Variants in ERBB4 observed in about 807,000 individuals in gnomAD.
ERBB4 encodes erb-b2 receptor tyrosine kinase 4.
ERBB4 carries 42 observed loss-of-function variants against 158.0 expected under a neutral mutation model. The ratio of observed to expected loss-of-function variants is 0.27; its 90% CI spans 0.21 to 0.34. The LOEUF (loss-of-function observed/expected upper bound fraction) is 0.34. ERBB4 is among the 10% of genes least tolerant of loss of function. The pLI, the probability that ERBB4 is intolerant of heterozygous loss-of-function variation, is 1.00. For missense variants in ERBB4, 1,333 were observed against 1,624.1 expected, an observed-to-expected ratio of 0.82 and a Z score of 3.08; for synonymous variants, 583 against 558.7, an observed-to-expected ratio of 1.04 and a Z score of -0.61.
chr2:211,685,952 T>C (rs1008128441), intron 12 of ERBB4, among the ~76,000 whole-genome samples: 5 of 152,204 alleles, frequency 3.3e-5, no homozygotes, highest in Non-Finnish European at 5.9e-5. Context: ...AATTAAACTT[T>C]GTAAGTTTTA....
chr2:212,449,108 C>T (rs2092408046), intron 1 of ERBB4, among the ~76,000 whole-genome samples: 1 of 152,048 alleles, frequency 6.6e-6, no homozygotes, highest in Non-Finnish European at 1.5e-5. Context: ...TTTCCTAACT[C>T]ATTAAAATAT....
At chr2:211,942,324 G>A (rs1218607459) in intron 3 of ERBB4, among the ~76,000 whole-genome samples, 2 of 149,120 alleles carry the variant, frequency 1.3e-5, no homozygotes, top group East Asian at 3.9e-4. Flanking sequence ...GTTTCTGGAT[G>A]AAGCATTTTA....
At chr2:211,412,461 C>T (rs1244491268) in intron 25 of ERBB4, among the ~76,000 whole-genome samples, 1 of 152,138 alleles carries the variant, frequency 6.6e-6, no homozygotes, top group Non-Finnish European at 1.5e-5. Flanking sequence ...TTTATAACCT[C>T]TTAAACTGAT....
intron 1 of ERBB4, among the ~76,000 whole-genome samples, chr2:212,240,926 T>C (rs7607086): frequency 0.053 from 8,068 of 152,184 alleles, 229 homozygotes; most frequent in Middle Eastern, 0.082. Context: ...ACCATGGACA[T>C]AGTAATGGAT....
In ERBB4 at chr2:212,219,896, G is replaced by A. The variant is rs1365204201; in HGVS notation, c.83-94993C>T. On this transcript the variant is annotated intron_variant, in intron 1 of 27. Transcript: ENST00000342788. ...TGACAGTTTTATAACTTCAAAAATA[G>A]GCTTTAATTTTTATAGAACATTTAA... Among the ~76,000 whole-genome samples the A allele has an allele frequency of 3.3e-5, 5 of 150,280 alleles. No homozygotes were observed. The Admixed American group carries it at 3.3e-4, about 10-fold the overall frequency.
chr2:211,376,439 TTG>T lies in ERBB4; in HGVS notation c.*7174_*7175del, dbSNP rs2062474887. On this transcript the variant is annotated 3_prime_UTR_variant, in exon 28 of 28. Coordinates refer to ENST00000342788, the MANE Select transcript of ERBB4 (RefSeq NM_005235.3). Reference sequence around the variant, plus strand: ...ATTTTCAAACATACAGTAGTATTTTTTGTTTGTTTATTTCAAAAAGGCAGCTA... The same window carrying T: ...ATTTTCAAACATACAGTAGTATTTTTTTTGTTTATTTCAAAAAGGCAGCTA... The T allele has an allele frequency of 4.3e-6, 1 of 232,740 alleles. No individual in the cohort carries two copies. Among genetic ancestry groups the T allele is most frequent in the Non-Finnish European group, 8.5e-6 (1 of 117,560 alleles). The allele number at this position is 232,740 out of a possible 1,614,324, so 14.4% of individuals were successfully genotyped here. A position where few individuals can be genotyped will look rare whatever the true frequency, so the allele number is the denominator to read the frequency against.
intron 1 of ERBB4, among the ~76,000 whole-genome samples, chr2:212,392,131 A>G (rs919529006): frequency 2.0e-5 from 3 of 151,730 alleles, no homozygotes; most frequent in Non-Finnish European, 2.9e-5. Context: ...ACATACATCA[A>G]TGATAAAAAA....
At chr2:212,442,430 A>C (rs2092274829) in intron 1 of ERBB4, among the ~76,000 whole-genome samples, 1 of 152,128 alleles carries the variant, frequency 6.6e-6, no homozygotes, top group Non-Finnish European at 1.5e-5. Flanking sequence ...AGGAAACTTA[A>C]GGCCTTTTAC....
At chr2:212,290,574 A>G (rs1241575767) in intron 1 of ERBB4, among the ~76,000 whole-genome samples, 1 of 152,126 alleles carries the variant, frequency 6.6e-6, no homozygotes, top group East Asian at 1.9e-4. Context: ...GTGGGACAAG[A>G]TCTCTTATTT....
At chr2:212,470,016 G>A (rs1040122768) in intron 1 of ERBB4, among the ~76,000 whole-genome samples, 1 of 152,020 alleles carries the variant, frequency 6.6e-6, no homozygotes, top group Non-Finnish European at 1.5e-5. Context: ...TAGTAATCCT[G>A]AAATTCTCTG....
At chr2:211,807,848 G>C (rs1174801461) in intron 3 of ERBB4, among the ~76,000 whole-genome samples, 4 of 152,116 alleles carry the variant, frequency 2.6e-5, no homozygotes, top group Non-Finnish European at 5.9e-5. Flanking sequence ...TCTCATTGTG[G>C]TTTTGATTTG....
intron 20 of ERBB4, among the ~76,000 whole-genome samples, chr2:211,481,824 A>G (rs2065090096): frequency 6.6e-6 from 1 of 152,228 alleles, no homozygotes; most frequent in Non-Finnish European, 1.5e-5. Context: ...CTTCTGGTTA[A>G]GATGGAGCAA....
Position 212,221,253 on chromosome 2 carries a change from A to T in ERBB4, c.83-96350T>A, listed in dbSNP as rs910601425. On this transcript the variant is annotated intron_variant, in intron 1 of 27. Coordinates refer to ENST00000342788, the MANE Select transcript of ERBB4 (RefSeq NM_005235.3). The stretch of plus-strand genomic sequence containing the variant: ...GCTGCTAGAATCAATATGAATGATC[A>T]TATGCTCAAGAGACTCATGTAATTA... Among the ~76,000 whole-genome samples the T allele has an allele frequency of 2.0e-5, 3 of 151,564 alleles. No individual in the cohort carries two copies. In the East Asian group the frequency reaches 5.8e-4, roughly 29 times the overall value.
At chr2:212,159,359 T>A (rs550140449) in intron 1 of ERBB4, among the ~76,000 whole-genome samples, 1 of 151,970 alleles carries the variant, frequency 6.6e-6, no homozygotes, top group South Asian at 2.1e-4. Context: ...ATTTCCTTAT[T>A]ATTGATGCCT....
At chr2:211,935,373 G>A (rs2080292254) in intron 3 of ERBB4, among the ~76,000 whole-genome samples, 2 of 152,112 alleles carry the variant, frequency 1.3e-5, no homozygotes, top group African/African-American at 4.8e-5. Flanking sequence ...CTCTCAATGC[G>A]GGTGGGCAAC....
chr2:211,745,203 G>A (rs1015283043), intron 5 of ERBB4, among the ~76,000 whole-genome samples: 2 of 152,098 alleles, frequency 1.3e-5, no homozygotes, highest in African/African-American at 4.8e-5. Context: ...AAAATGAATC[G>A]TGTGTTACAA....
rs1553517812 is a variant in ERBB4 at position 211,944,096 on chromosome 2, TAC to T, written c.421+3332_421+3333del. Among the ~76,000 whole-genome samples, 856 of 130,946 alleles carry T rather than the reference TAC, an allele frequency of 6.5e-3. 9 individuals carry two copies. The highest frequency in any genetic ancestry group is 0.022 in the African/African-American group (681 of 30,410). The allele number at this position is 130,946 out of a possible 152,430, so 85.9% of individuals were successfully genotyped here. On this transcript the variant is annotated intron_variant, in intron 3 of 27. Transcript: ENST00000342788. Reference sequence around the variant, plus strand: ...CATGGTTACACTATATATATATATATACATGGTTACACTATATATATATACAC... The same window carrying T: ...CATGGTTACACTATATATATATATATATGGTTACACTATATATATATACAC...
At chr2:211,624,917 G>C (rs112426568) in intron 17 of ERBB4, among the ~76,000 whole-genome samples, 3,264 of 152,036 alleles carry the variant, frequency 0.021, 104 homozygotes, top group African/African-American at 0.075. Flanking sequence ...AGTACGGTGG[G>C]AAACCTACAT....
intron 2 of ERBB4, among the ~76,000 whole-genome samples, chr2:212,078,466 C>T (rs182873819): frequency 6.6e-6 from 1 of 151,912 alleles, no homozygotes; most frequent in Admixed American, 6.6e-5. Context: ...GCATATTTTA[C>T]ACTAGATTAA....
Sources: allele counts gnomAD v4.1 joint callset (sites outside exome capture counted in the v4.1 genomes callset), GRCh38; gene constraint gnomAD v4.1.1; transcripts MANE v1.5; gene names NCBI Gene and HGNC (gene_info 2026-07-23, HGNC 2026-07-21).